The following BRF1 variants were observed in gnomAD, a reference collection of about 807,000 sequenced individuals.
BRF1 encodes the protein BRF1 general transcription factor IIIB subunit.
A neutral mutation model predicts 81.7 loss-of-function variants in BRF1; 59 were observed. The ratio of observed to expected loss-of-function variants is 0.72; its 90% CI spans 0.59 to 0.90. BRF1 has a LOEUF of 0.90. Ranked by LOEUF, BRF1 falls within the 40% of genes least tolerant of loss-of-function variation. The pLI is 0.00. For missense variants in BRF1, 1,050 were observed against 936.3 expected, an observed-to-expected ratio of 1.12 and a Z score of -1.58; for synonymous variants, 491 against 395.6, an observed-to-expected ratio of 1.24 and a Z score of -2.86.
chr14:105,304,241 C>G (rs146465914), upstream of BRF1, among the ~76,000 whole-genome samples: 3 of 152,146 alleles, frequency 2.0e-5, no homozygotes, highest in Non-Finnish European at 4.4e-5. Flanking sequence ...ACTGTAATCC[C>G]AGCACTTTGG....
At chr14:105,247,466 C>T (rs774477036) in intron 5 of BRF1, 21 of 985,316 alleles carry the variant, frequency 2.1e-5, no homozygotes, top group Non-Finnish European at 2.5e-5. Context: ...ACTGGGTTGT[C>T]AGCCTTTTCC....
At position 105,219,029 on chromosome 14, in the gene BRF1, T is replaced by G; in HGVS notation, c.1484A>C (p.Glu495Ala). 6.2e-7 allele frequency: 1 copy of G among 1,613,888 alleles called. No individual in the cohort carries two copies. The highest frequency in any genetic ancestry group is 8.5e-7 in the Non-Finnish European group (1 of 1,179,992). The change falls in exon 14 of 18, where the codon GAG becomes GCG. Residue 495 changes from glutamate (E) to alanine (A), a missense_variant. Glu to Ala is a moderately radical substitution (Grantham distance 107). This residue lies in a region of BRF1 where 1,043 missense variants were observed against 915.4 expected (regional missense o/e 1.14). Coordinates refer to ENST00000547530, the MANE Select transcript of BRF1 (RefSeq NM_001519.4). ...QREKEARIAK[E>A]KELGIYKEHK... ...TTCCTTGTAGATGCCGAGCTCCTTC[T>G]CTTTCGCTATTCTTGCTTCTTTTTC...
chr14:105,245,360 CA>C (rs201030842), intron 5 of BRF1, among the ~76,000 whole-genome samples: 1 of 149,156 alleles, frequency 6.7e-6, no homozygotes, highest in Non-Finnish European at 1.5e-5. Context: ...GACTCCATCT[CA>C]AAAAAAATAA....
chr14:105,226,392 C>G (rs2141560305), intron 8 of BRF1, 102 bp from the exon 9 acceptor site: 1 of 1,533,704 alleles, frequency 6.5e-7, no homozygotes, highest in Admixed American at 1.7e-5. Flanking sequence ...GCTGCTAGAA[C>G]TTAGGGGTAC....
At chr14:105,256,582 C>A in intron 3 of BRF1, 33 bp from the exon 4 acceptor site, 1 of 1,608,908 alleles carries the variant, frequency 6.2e-7, no homozygotes, top group South Asian at 1.1e-5. Flanking sequence ...TGTCGAGTGG[C>A]TGCAAGCTCA....
chr14:105,244,489 T>C (rs1044890271), intron 5 of BRF1, among the ~76,000 whole-genome samples: 5 of 149,454 alleles, frequency 3.3e-5, no homozygotes, highest in African/African-American at 1.2e-4. Context: ...TCAAGACAAA[T>C]CTGTCAGTGA....
At chr14:105,286,504 G>T (rs144048329) in intron 1 of BRF1, 128 bp from the exon 2 acceptor site, 1 of 929,206 alleles carries the variant, frequency 1.1e-6, no homozygotes, top group East Asian at 2.6e-5. Context: ...GCAGCAGGTC[G>T]GCCCCCCGCA....
Position 105,307,116 on chromosome 14 carries a change from C to T in BRF1, c.-162+8206G>A, listed in dbSNP as rs587692951. ...CTGGAGTGCAGTGGTATGATCATAG[C>T]TCACTGTCGTCTCAAACTGCTGGGC... On this transcript the variant is annotated intron_variant, in intron 1 of 17. Coordinates refer to the BRF1 transcript ENST00000327359. Among the ~76,000 whole-genome samples the T allele has an allele frequency of 2.0e-5, 3 of 151,790 alleles. No homozygotes were observed. The South Asian group carries it at 6.3e-4, about 32-fold the overall frequency.
Position 105,309,254 on chromosome 14 carries a change from G to C in BRF1, c.-162+6068C>G, listed in dbSNP as rs184254768. Among the ~76,000 whole-genome samples, 1 of 152,256 alleles carries C rather than the reference G, an allele frequency of 6.6e-6. No individual in the cohort carries two copies. Among genetic ancestry groups the C allele is most frequent in the East Asian group, 1.9e-4 (1 of 5,194 alleles). The stretch of plus-strand genomic sequence containing the variant: ...GCATCAAGGTCCCTCTTAATCTTGG[G>C]GCTCAGGATAACCACAGTCAAGAGG... On this transcript the variant is annotated intron_variant, in intron 1 of 17. Coordinates refer to the BRF1 transcript ENST00000327359. This position sits in a 1 kb window ranked among gnomAD's most constrained non-coding sequence, Gnocchi z 4.0.
At chr14:105,299,474 T>C (rs1253577018) in intron 1 of BRF1, among the ~76,000 whole-genome samples, 2 of 151,508 alleles carry the variant, frequency 1.3e-5, no homozygotes, top group Admixed American at 6.6e-5. Context: ...ACTCAGGAGG[T>C]TGAGGCAGGA....
rs1336433984 is a variant in BRF1 at position 105,292,004 on chromosome 14, GA to G, written c.185-5629del. On this transcript the variant is annotated intron_variant, in intron 1 of 17. Coordinates refer to ENST00000547530, the MANE Select transcript of BRF1 (RefSeq NM_001519.4). ...CAAGAGAGACACTCCATCTCAAAAA[GA>G]AAAAAAAAGAAGTCTCACTCTGTCA... 2.0e-5 allele frequency among the ~76,000 whole-genome samples: 3 copies of G among 149,980 alleles called. No homozygotes were observed. The East Asian group carries it at 5.8e-4, about 29-fold the overall frequency.
intron 10 of BRF1, among the ~76,000 whole-genome samples, chr14:105,223,599 T>C (rs1487191205): frequency 6.6e-6 from 1 of 152,194 alleles, no homozygotes; most frequent in Non-Finnish European, 1.5e-5. Context: ...AGAATACAAC[T>C]AATTTATCGT....
chr14:105,229,259 G>C (rs1438922240), intron 6 of BRF1, among the ~76,000 whole-genome samples: 2 of 152,230 alleles, frequency 1.3e-5, no homozygotes, highest in East Asian at 3.9e-4. Context: ...TGAGGATGCG[G>C]AGCCAGGCTG....
Position 105,241,329 on chromosome 14 carries a change from G to A in BRF1, c.630C>T (p.Leu210=). The A allele has an allele frequency of 6.2e-7, 1 of 1,612,788 alleles. No individual in the cohort carries two copies. The highest frequency in any genetic ancestry group is 8.5e-7 in the Non-Finnish European group (1 of 1,179,946). The stretch of plus-strand genomic sequence containing the variant: ...TCCAGTCCCGCTTCATCCTCTGTAG[G>A]AGCCTCAGGGCAGTCATGGACACCT... The part of the protein sequence containing the change: ...NHEVSMTALR[L]LQRMKRDWMH... Residue 210 remains leucine, a synonymous_variant, in exon 6 of 18, where the codon CTC becomes CTT. Transcript: ENST00000547530.
chr14:105,226,008 A>C, intron 10 of BRF1, 61 bp downstream of exon 10: 1 of 1,462,996 alleles, frequency 6.8e-7, no homozygotes, highest in Non-Finnish European at 9.4e-7. Context: ...TCCTGAAGAG[A>C]TCTGCTGAGA....
intron 2 of BRF1, among the ~76,000 whole-genome samples, chr14:105,275,246 T>G (rs2056833681): frequency 6.6e-6 from 1 of 151,864 alleles, no homozygotes; most frequent in Non-Finnish European, 1.5e-5. Context: ...GCCAGGCCCC[T>G]GGCAGTCAGC....
At chr14:105,270,405 G>A (rs1400202384) in intron 3 of BRF1, among the ~76,000 whole-genome samples, 1 of 151,854 alleles carries the variant, frequency 6.6e-6, no homozygotes, top group African/African-American at 2.4e-5. Context: ...TCGATCTCCT[G>A]ACCTCGTGAT....
intron 2 of BRF1, among the ~76,000 whole-genome samples, chr14:105,285,993 A>G (rs2057300146): frequency 1.3e-5 from 2 of 152,210 alleles, no homozygotes; most frequent in African/African-American, 4.8e-5. Flanking sequence ...TGTCACTACA[A>G]TATCCAACTG....
intron 14 of BRF1, among the ~76,000 whole-genome samples, chr14:105,218,274 T>C (rs1288508329): frequency 2.0e-5 from 3 of 152,156 alleles, no homozygotes; most frequent in African/African-American, 4.8e-5. Flanking sequence ...GCTGGAGCCA[T>C]AGACCACTTC....
Sources: gnomAD v4.1 joint callset for allele counts (sites outside exome capture counted in the v4.1 genomes callset) on GRCh38, gnomAD v4.1.1 for gene constraint, gnomAD v4.1.1 regional missense constraint, Gnocchi (gnomAD v3.1) non-coding constraint, MANE v1.5 for transcripts, NCBI Gene and HGNC (gene_info 2026-07-23, HGNC 2026-07-21) for gene names.